STAC: variants seen among roughly 807,000 people sequenced by gnomAD.
STAC encodes the protein SH3 and cysteine rich domain.
Under a neutral mutation model 48.8 loss-of-function variants are expected in STAC, and 43 were observed. The observed-to-expected ratio is 0.88, with a 90% confidence interval of 0.69 to 1.14. The LOEUF (loss-of-function observed/expected upper bound fraction) is 1.14, where lower values mean the gene tolerates loss of function less well. Among genes scored for constraint, STAC ranks in the 50% most tolerant of loss-of-function variants. STAC has a pLI of 0.00. For synonymous variants in STAC, 193 were observed against 179.5 expected (o/e 1.07, Z -0.60); for missense variants, 497 against 504.0 (o/e 0.99, Z 0.13).
Position 36,380,615 on chromosome 3 carries a change from G to A in STAC, c.-29G>A. The A allele has an allele frequency of 2.0e-6, 3 of 1,523,476 alleles. No individual in the cohort carries two copies. The highest frequency in any genetic ancestry group is 1.2e-5 in the South Asian group (1 of 84,208). 94.4% of individuals were successfully genotyped at this position (1,523,476 alleles called of 1,614,324 possible). On this transcript the variant is annotated 5_prime_UTR_variant, in exon 1 of 11. Transcript: ENST00000273183. ...GACAGAAGCCTCGCTGTTCCTCCGG[G>A]AGCCCAACACCGTTCCCGCGCGGCC...
chr3:36,479,695 G>A (rs1697592928), intron 2 of STAC, among the ~76,000 whole-genome samples: 1 of 152,156 alleles, frequency 6.6e-6, no homozygotes, highest in Admixed American at 6.5e-5. Context: ...AGAAATACTA[G>A]TAGTTTTCTT....
intron 6 of STAC, among the ~76,000 whole-genome samples, 190 bp from the exon 7 acceptor site, chr3:36,504,203 C>G (rs1575245812): frequency 6.6e-6 from 1 of 152,196 alleles, no homozygotes; most frequent in African/African-American, 2.4e-5. Context: ...GTGCAGAATG[C>G]TGCATGGGGA....
rs534954381 is a variant in STAC, at chr3:36,393,570, A to G, written c.111+12816A>G. ...TTGAAACTCTAATCTCCAATGTGAT[A>G]GTGTTTGGACATCAGCCTTTGGGAG... On this transcript the variant is annotated intron_variant, in intron 1 of 10. Transcript: ENST00000273183. Among the ~76,000 whole-genome samples the G allele has an allele frequency of 2.0e-5, 3 of 151,718 alleles. No individual in the cohort carries two copies. The South Asian group carries it at 6.4e-4, about 32-fold the overall frequency.
chr3:36,412,924 C>G (rs1264526575), intron 1 of STAC, among the ~76,000 whole-genome samples: 2 of 152,226 alleles, frequency 1.3e-5, no homozygotes, highest in South Asian at 2.1e-4. Flanking sequence ...GCATACATTT[C>G]GTTATGTACC....
In STAC at chr3:36,546,303, C is replaced by G; in HGVS notation, c.*14C>G. 1 of 1,611,330 alleles carries G rather than the reference C, an allele frequency of 6.2e-7. No homozygotes were observed. Among genetic ancestry groups the G allele is most frequent in the Admixed American group, 1.7e-5 (1 of 60,024 alleles). On this transcript the variant is annotated 3_prime_UTR_variant, in exon 11 of 11. Coordinates refer to ENST00000273183, the MANE Select transcript of STAC (RefSeq NM_003149.3). Reference sequence around the variant, plus strand: ...GAAAACATCTGATTGCTGGCTCCTCCTCCGTTTGCAGTAGGCAAGCTCTGC... The same window carrying G: ...GAAAACATCTGATTGCTGGCTCCTCGTCCGTTTGCAGTAGGCAAGCTCTGC...
At chr3:36,508,195 A>G (rs867466083) in intron 8 of STAC, among the ~76,000 whole-genome samples, 3 of 152,254 alleles carry the variant, frequency 2.0e-5, no homozygotes, top group Non-Finnish European at 2.9e-5. Context: ...GTCATTCAGG[A>G]GCAGGTTGTT....
chr3:36,507,905 G>T (rs796940662), intron 8 of STAC, among the ~76,000 whole-genome samples: 25 of 152,018 alleles, frequency 1.6e-4, no homozygotes, highest in African/African-American at 5.8e-4. Context: ...AGGGTTTTTC[G>T]TGTCTCTATC....
intron 1 of STAC, among the ~76,000 whole-genome samples, chr3:36,398,696 AAGAAAGAAAGAAAGAG>A (rs1699939555): frequency 6.6e-6 from 1 of 151,672 alleles, no homozygotes; most frequent in South Asian, 2.1e-4. Context: ...AAAGAAAAGA[AAGAAAGAAAGAAAGAG>A]AGAAAGAAAG....
intron 2 of STAC, among the ~76,000 whole-genome samples, chr3:36,476,244 G>A (rs887237557): frequency 1.3e-5 from 2 of 152,212 alleles, no homozygotes; most frequent in South Asian, 4.1e-4. Flanking sequence ...TTCATGTCAA[G>A]TCCCACATAA....
chr3:36,433,431 T>C (rs1029413610), intron 1 of STAC, among the ~76,000 whole-genome samples: 1 of 152,222 alleles, frequency 6.6e-6, no homozygotes, highest in African/African-American at 2.4e-5. Context: ...ACTTAAACAG[T>C]TGAATTATAT....
chr3:36,524,122 ACAT>A (rs1698871068), intron 8 of STAC, among the ~76,000 whole-genome samples: 1 of 152,054 alleles, frequency 6.6e-6, no homozygotes, highest in African/African-American at 2.4e-5. Context: ...GGGATGTCCC[ACAT>A]TATCTAGTAC....
chr3:36,411,100 C>T (rs1575181459), intron 1 of STAC, among the ~76,000 whole-genome samples: 1 of 152,200 alleles, frequency 6.6e-6, no homozygotes, highest in Admixed American at 6.5e-5. Context: ...AAAACCTGGA[C>T]TCATCCTTGG....
At chr3:36,415,543 G>A (rs1700300614) in intron 1 of STAC, among the ~76,000 whole-genome samples, 1 of 152,210 alleles carries the variant, frequency 6.6e-6, no homozygotes, top group African/African-American at 2.4e-5. Context: ...GGTGCCATCT[G>A]TCACAGCTTT....
In STAC at chr3:36,535,096, T is replaced by C. The variant is rs1699167556; in HGVS notation, c.1110+6111T>C. 2.0e-5 allele frequency among the ~76,000 whole-genome samples: 3 copies of C among 152,192 alleles called. No individual in the cohort carries two copies. In the South Asian group the frequency reaches 6.2e-4, roughly 32 times the overall value. ...CCATTTACATGATACTTTTTCTTTCTATCCATGAGCATGGGATGCTTTTCC... is the reference window on the plus strand; with the variant it reads ...CCATTTACATGATACTTTTTCTTTCCATCCATGAGCATGGGATGCTTTTCC... On this transcript the variant is annotated intron_variant, in intron 10 of 10. Transcript: ENST00000273183.
chr3:36,484,236 G>A (rs1417823364), intron 3 of STAC, among the ~76,000 whole-genome samples: 1 of 152,146 alleles, frequency 6.6e-6, no homozygotes, highest in Non-Finnish European at 1.5e-5. Context: ...TCCCATCACT[G>A]ACAGTGTAAC....
chr3:36,481,284 T>A (rs1452595783), intron 2 of STAC, among the ~76,000 whole-genome samples: 1 of 152,218 alleles, frequency 6.6e-6, no homozygotes, highest in African/African-American at 2.4e-5. Flanking sequence ...CTCGCCAGTA[T>A]GATGAGCACC....
At chr3:36,461,989 T>C (rs924725840) in intron 2 of STAC, among the ~76,000 whole-genome samples, 2 of 152,118 alleles carry the variant, frequency 1.3e-5, no homozygotes, top group African/African-American at 4.8e-5. Context: ...TAGACTTCAA[T>C]GGCGTGGGGG....
intron 1 of STAC, among the ~76,000 whole-genome samples, chr3:36,383,434 A>G (rs148338016): frequency 1.6e-3 from 237 of 152,246 alleles, no homozygotes; most frequent in African/African-American, 5.5e-3. Context: ...TAATTCATGG[A>G]CAGTATTGTT....
intron 8 of STAC, among the ~76,000 whole-genome samples, chr3:36,509,441 G>A (rs1378499825): frequency 6.6e-6 from 1 of 152,068 alleles, no homozygotes; most frequent in African/African-American, 2.4e-5. Flanking sequence ...GAATTTGAAT[G>A]TTGGCTTGTC....
Sources: allele counts gnomAD v4.1 joint callset (sites outside exome capture counted in the v4.1 genomes callset), GRCh38; gene constraint gnomAD v4.1.1; transcripts MANE v1.5; gene names NCBI Gene and HGNC (gene_info 2026-07-23, HGNC 2026-07-21).